Variants in DOCK3 observed in about 807,000 individuals in gnomAD.
DOCK3 encodes the protein dedicator of cytokinesis 3.
Under a neutral mutation model 265.6 loss-of-function variants are expected in DOCK3, and 60 were observed. The observed-to-expected ratio is 0.23, with a 90% CI of 0.18 to 0.28. The LOEUF (loss-of-function observed/expected upper bound fraction) is 0.28, where lower values mean the gene tolerates loss of function less well. Among genes scored for constraint, DOCK3 ranks in the 10% least tolerant of loss-of-function variants. The pLI is 1.00. For synonymous variants in DOCK3, 881 were observed against 938.0 expected (o/e 0.94, Z 1.11); for missense variants, 1,981 against 2,594.3 (o/e 0.76, Z 5.14).
In DOCK3 at chr3:50,713,251, T is replaced by C. The variant is rs558865466; in HGVS notation, c.37+37951T>C. Among the ~76,000 whole-genome samples, 15 of 152,350 alleles carry C rather than the reference T, an allele frequency of 9.8e-5. No individual in the cohort carries two copies. The East Asian group carries it at 2.5e-3, about 25-fold the overall frequency. On this transcript the variant is annotated intron_variant, in intron 1 of 52. Transcript: ENST00000266037. ...GGTTCTTTATCTTTTAGTAGGACTT[T>C]ATTTTTCTCCAGGGGTATGTGTGCC...
At chr3:50,698,517 G>GGTTTTTTTTTTTTTTTTTTTTTTTTTTTT (rs2035792982) in intron 1 of DOCK3, among the ~76,000 whole-genome samples, 1 of 19,504 alleles carries the variant, frequency 5.1e-5, no homozygotes, top group Non-Finnish European at 1.2e-4. Flanking sequence ...TATGTTTTTG[G>GGTTTTTTTTTTTTTTTTTTTTTTTTTTTT]TTTTTTTTTT....
At position 50,704,625 on chromosome 3, in the gene DOCK3, A is replaced by ATT. The variant is rs58284778; in HGVS notation, c.37+29342_37+29343dup. 5.0e-4 allele frequency among the ~76,000 whole-genome samples: 56 copies of ATT among 111,004 alleles called. No homozygotes were observed. In the South Asian group the frequency reaches 5.2e-3, roughly 10 times the overall value. 72.8% of individuals were successfully genotyped at this position (111,004 alleles called of 152,430 possible). A position where few individuals can be genotyped will look rare whatever the true frequency, so the allele number is the denominator to read the frequency against. The stretch of plus-strand genomic sequence containing the variant: ...GTGAAGTGCATTTCTTGTAGGCAGC[A>ATT]TTTTTTTTTTTTTTTTTTGAGACGG... On this transcript the variant is annotated intron_variant, in intron 1 of 52. Transcript: ENST00000266037.
chr3:50,807,073 A>C (rs1450836543), intron 2 of DOCK3, among the ~76,000 whole-genome samples: 2 of 152,048 alleles, frequency 1.3e-5, no homozygotes, highest in African/African-American at 4.8e-5. Flanking sequence ...ATGCCTTTAC[A>C]CTGCATTCTT....
At chr3:50,732,342 A>C (rs1043596722) in intron 1 of DOCK3, among the ~76,000 whole-genome samples, 2 of 152,020 alleles carry the variant, frequency 1.3e-5, no homozygotes, top group African/African-American at 4.8e-5. Flanking sequence ...TGATAGGTGC[A>C]GCAAACCACC....
intron 9 of DOCK3, among the ~76,000 whole-genome samples, chr3:51,146,192 G>T (rs1391800015): frequency 6.6e-6 from 1 of 152,178 alleles, no homozygotes; most frequent in African/African-American, 2.4e-5. Flanking sequence ...TCACATCAAA[G>T]AATGTATATG....
chr3:51,332,847 C>T (rs942443057), intron 33 of DOCK3, among the ~76,000 whole-genome samples, 154 bp from the exon 34 acceptor site: 30 of 152,190 alleles, frequency 2.0e-4, no homozygotes, highest in Non-Finnish European at 3.1e-4. Context: ...AAGTGAGTTA[C>T]AGTGTATGCC....
chr3:51,308,226 T>C (rs1163698878), intron 27 of DOCK3, among the ~76,000 whole-genome samples: 1 of 149,210 alleles, frequency 6.7e-6, no homozygotes, highest in African/African-American at 2.5e-5. Context: ...ATTTTTCTTT[T>C]TTTTTTTTTT....
intron 4 of DOCK3, among the ~76,000 whole-genome samples, chr3:50,890,856 A>G (rs2048607589): frequency 6.6e-6 from 1 of 152,064 alleles, no homozygotes; most frequent in Non-Finnish European, 1.5e-5. Flanking sequence ...TTAATGTGGG[A>G]AATTATTTAC....
intron 27 of DOCK3, among the ~76,000 whole-genome samples, chr3:51,293,214 A>G (rs1239114031): frequency 2.6e-5 from 4 of 152,130 alleles, no homozygotes; most frequent in Admixed American, 1.3e-4. Flanking sequence ...TCACTCTACC[A>G]TATTTCAAAG....
chr3:50,755,757 TATA>T (rs2040120775), intron 1 of DOCK3, among the ~76,000 whole-genome samples: 1 of 152,200 alleles, frequency 6.6e-6, no homozygotes, highest in Admixed American at 6.5e-5. Flanking sequence ...AATGGAATCA[TATA>T]ATATATACTC....
intron 2 of DOCK3, among the ~76,000 whole-genome samples, chr3:50,825,406 T>G (rs1207691055): frequency 1.3e-5 from 2 of 152,210 alleles, no homozygotes; most frequent in African/African-American, 2.4e-5. Context: ...GCATAATGAC[T>G]TTTAGCACCA....
intron 5 of DOCK3, among the ~76,000 whole-genome samples, chr3:51,049,162 C>CA (rs2080893088): frequency 6.6e-6 from 1 of 151,946 alleles, no homozygotes; most frequent in Non-Finnish European, 1.5e-5. Flanking sequence ...CTTGTCTTTA[C>CA]AAAAAATTCA....
At chr3:51,367,557 C>T (rs1332050453) in intron 49 of DOCK3, among the ~76,000 whole-genome samples, 8 of 152,122 alleles carry the variant, frequency 5.3e-5, no homozygotes, top group Non-Finnish European at 5.9e-5. Context: ...TTATTTTGCT[C>T]GTTAGTTGAT....
intron 2 of DOCK3, among the ~76,000 whole-genome samples, chr3:50,794,839 T>C (rs1243076909): frequency 6.6e-6 from 1 of 152,172 alleles, no homozygotes; most frequent in Non-Finnish European, 1.5e-5. Context: ...GTCTGTGTGC[T>C]TAAGTTTGTG....
chr3:51,122,075 AC>A lies in DOCK3; in HGVS notation c.747-24469del, dbSNP rs2084044470. Among the ~76,000 whole-genome samples the A allele has an allele frequency of 2.0e-5, 3 of 152,216 alleles. No individual in the cohort carries two copies. The South Asian group carries it at 6.2e-4, about 32-fold the overall frequency. Reference sequence around the variant, plus strand: ...CAACAGGCAAGTTTCCCTATCAGCAACCCCCTAGGATATTATTTATTCTTGA... The same window carrying A: ...CAACAGGCAAGTTTCCCTATCAGCAACCCCTAGGATATTATTTATTCTTGA... On this transcript the variant is annotated intron_variant, in intron 9 of 52. Transcript: ENST00000266037.
At chr3:50,849,758 A>C (rs372793699) in intron 3 of DOCK3, among the ~76,000 whole-genome samples, 1 of 152,222 alleles carries the variant, frequency 6.6e-6, no homozygotes, top group African/African-American at 2.4e-5. Flanking sequence ...CACAGCTTGC[A>C]GAAAAACAAA....
intron 1 of DOCK3, among the ~76,000 whole-genome samples, chr3:50,716,359 C>G (rs2037110049): frequency 1.3e-5 from 2 of 151,938 alleles, no homozygotes; most frequent in Non-Finnish European, 2.9e-5. Flanking sequence ...AACCCCATCT[C>G]TACTAAAAAA....
intron 4 of DOCK3, among the ~76,000 whole-genome samples, chr3:50,900,129 G>T (rs550898317): frequency 6.6e-6 from 1 of 152,094 alleles, no homozygotes; most frequent in Admixed American, 6.5e-5. Context: ...ATGTAGATTT[G>T]GTCTTTTCAC....
At chr3:51,300,430 G>C (rs150237597) in intron 27 of DOCK3, among the ~76,000 whole-genome samples, 2,788 of 152,228 alleles carry the variant, frequency 0.018, 26 homozygotes, top group Non-Finnish European at 0.028. Flanking sequence ...AGAACTTCCA[G>C]TACTATGTTG....
Sources: gnomAD v4.1 joint callset for allele counts (sites outside exome capture counted in the v4.1 genomes callset) on GRCh38, gnomAD v4.1.1 for gene constraint, MANE v1.5 for transcripts, NCBI Gene and HGNC (gene_info 2026-07-23, HGNC 2026-07-21) for gene names.